The following CSMD1 variants were observed in gnomAD, a reference collection of about 807,000 sequenced individuals.
CSMD1 encodes the protein CUB and Sushi multiple domains 1.
Under a neutral mutation model 417.5 loss-of-function variants are expected in CSMD1, and 213 were observed. The observed-to-expected ratio is 0.51, with a 90% CI of 0.46 to 0.57. The LOEUF (loss-of-function observed/expected upper bound fraction) is 0.57, where lower values mean the gene tolerates loss of function less well. Ranked by LOEUF, CSMD1 falls within the 20% of genes least tolerant of loss-of-function variation. The pLI is 0.00. For synonymous variants in CSMD1, 2,862 were observed against 1,736.8 expected, an observed-to-expected ratio of 1.65 and a Z score of -16.11; for missense variants, 6,923 against 4,529.7, an observed-to-expected ratio of 1.53 and a Z score of -15.17.
intron 27 of CSMD1, 149 bp downstream of exon 27, chr8:3,229,891 A>T: frequency 1.8e-6 from 1 of 562,148 alleles, no homozygotes; most frequent in Non-Finnish European, 3.0e-6. Context: ...AAGGTTTACA[A>T]TAAAATTTCA....
At chr8:4,192,354 T>C (rs952820295) in intron 3 of CSMD1, among the ~76,000 whole-genome samples, 4 of 152,184 alleles carry the variant, frequency 2.6e-5, no homozygotes, top group Non-Finnish European at 5.9e-5. Flanking sequence ...CAGCAGTTCT[T>C]GGATGTCTTA....
At chr8:4,774,533 T>A (rs890978750) in intron 1 of CSMD1, among the ~76,000 whole-genome samples, 3 of 152,228 alleles carry the variant, frequency 2.0e-5, no homozygotes, top group Non-Finnish European at 4.4e-5. Flanking sequence ...AATATCATCA[T>A]GTCCAGGCAG....
intron 2 of CSMD1, among the ~76,000 whole-genome samples, chr8:4,422,576 G>C (rs759560054): frequency 4.6e-5 from 7 of 152,130 alleles, no homozygotes; most frequent in South Asian, 2.1e-4. Context: ...GCCCTCACCA[G>C]GAACTGACTA....
intron 5 of CSMD1, among the ~76,000 whole-genome samples, chr8:3,889,306 G>T (rs1004589426): frequency 6.6e-5 from 10 of 150,996 alleles, no homozygotes; most frequent in Non-Finnish European, 1.0e-4. Flanking sequence ...GAGGTTAAAA[G>T]GAAAAGAAGA....
chr8:4,690,754 G>C (rs941522058), intron 1 of CSMD1, among the ~76,000 whole-genome samples: 3 of 152,124 alleles, frequency 2.0e-5, no homozygotes, highest in African/African-American at 4.8e-5. Flanking sequence ...TTTTGAGACA[G>C]AATCTCACTC....
intron 12 of CSMD1, among the ~76,000 whole-genome samples, chr8:3,427,190 G>C (rs1292896550): frequency 2.0e-5 from 3 of 152,146 alleles, no homozygotes; most frequent in East Asian, 3.9e-4. Flanking sequence ...TGCAGACTCA[G>C]CCAAACTATA....
intron 5 of CSMD1, among the ~76,000 whole-genome samples, chr8:3,872,078 G>C (rs1467541271): frequency 1.3e-5 from 2 of 152,132 alleles, no homozygotes; most frequent in Admixed American, 6.5e-5. Flanking sequence ...CCTGCTGAAA[G>C]GCCAATTCCC....
chr8:3,820,087 A>G (rs932336367), intron 5 of CSMD1, among the ~76,000 whole-genome samples: 1 of 152,152 alleles, frequency 6.6e-6, no homozygotes, highest in Non-Finnish European at 1.5e-5. Context: ...GTGATTCTGC[A>G]TTTTCTTCAG....
At chr8:3,586,328 A>T (rs1800600429) in intron 8 of CSMD1, 68 bp from the exon 9 acceptor site, 1 of 1,434,716 alleles carries the variant, frequency 7.0e-7, no homozygotes, top group Non-Finnish European at 9.3e-7. Flanking sequence ...GAAAAAAAAA[A>T]AAATCAGCAA....
chr8:4,659,768 T>C (rs1804471638), intron 1 of CSMD1, among the ~76,000 whole-genome samples: 1 of 152,166 alleles, frequency 6.6e-6, no homozygotes, highest in South Asian at 2.1e-4. Context: ...GATTTGTTCC[T>C]GAGAATGCTT....
At chr8:4,190,966 G>T (rs1219489655) in intron 3 of CSMD1, among the ~76,000 whole-genome samples, 1 of 148,462 alleles carries the variant, frequency 6.7e-6, no homozygotes, top group African/African-American at 2.5e-5. Flanking sequence ...GGGGGGCGGG[G>T]AAGGGAGAGG....
intron 5 of CSMD1, among the ~76,000 whole-genome samples, chr8:3,759,771 G>A (rs550679307): frequency 6.6e-6 from 1 of 150,926 alleles, no homozygotes; most frequent in South Asian, 2.1e-4. Context: ...AGCCAGACAT[G>A]GTGGCAGACT....
intron 48 of CSMD1, among the ~76,000 whole-genome samples, chr8:3,088,747 C>T (rs1472811123): frequency 6.8e-6 from 1 of 147,196 alleles, no homozygotes; most frequent in Non-Finnish European, 1.5e-5. Context: ...AGACCAAATT[C>T]TTCTAAGTTT....
intron 5 of CSMD1, among the ~76,000 whole-genome samples, chr8:3,903,575 G>A (rs193280415): frequency 1.4e-4 from 22 of 152,152 alleles, no homozygotes; most frequent in African/African-American, 3.4e-4. Context: ...AGAATATTAC[G>A]GTGCCTTTTT....
chr8:3,329,339 T>C (rs943885784), intron 23 of CSMD1, among the ~76,000 whole-genome samples: 5 of 151,930 alleles, frequency 3.3e-5, no homozygotes, highest in East Asian at 1.9e-4. Flanking sequence ...TCATGACCCA[T>C]TTGCAGCGTG....
At chr8:4,606,477 C>A (rs930639941) in intron 2 of CSMD1, among the ~76,000 whole-genome samples, 1 of 152,154 alleles carries the variant, frequency 6.6e-6, no homozygotes, top group Non-Finnish European at 1.5e-5. Context: ...TCATCCGATG[C>A]CAAGCCCTTT....
At chr8:3,953,502 T>G (rs1386332697) in intron 5 of CSMD1, among the ~76,000 whole-genome samples, 1 of 152,090 alleles carries the variant, frequency 6.6e-6, no homozygotes, top group East Asian at 1.9e-4. Flanking sequence ...GTTTGGGGGT[T>G]TCACTGGGAA....
intron 1 of CSMD1, among the ~76,000 whole-genome samples, chr8:4,855,633 C>G (rs1331871417): frequency 6.6e-6 from 1 of 151,992 alleles, no homozygotes; most frequent in East Asian, 1.9e-4. Context: ...GCCTCTGGAG[C>G]CAATGCAATC....
At chr8:4,144,334 ACTTCT>A (rs966080803) in intron 3 of CSMD1, among the ~76,000 whole-genome samples, 4 of 150,944 alleles carry the variant, frequency 2.6e-5, no homozygotes, top group Admixed American at 6.6e-5. Flanking sequence ...TATTCATTCT[ACTTCT>A]CTTCTTTCTT....
Sources: gnomAD v4.1 joint callset for allele counts (sites outside exome capture counted in the v4.1 genomes callset) on GRCh38, gnomAD v4.1.1 for gene constraint, MANE v1.5 for transcripts, NCBI Gene and HGNC (gene_info 2026-07-23, HGNC 2026-07-21) for gene names.